RASA3: variants seen among roughly 807,000 people sequenced by gnomAD.
RASA3 encodes the protein RAS p21 protein activator 3.
Under a neutral mutation model 110.0 loss-of-function variants are expected in RASA3, and 73 were observed. The observed-to-expected ratio is 0.66, with a 90% CI of 0.55 to 0.81. The LOEUF is 0.81. Among genes scored for constraint, RASA3 ranks in the 30% least tolerant of loss-of-function variants. RASA3 has a pLI of 0.00. For missense variants in RASA3, 976 were observed against 1,113.2 expected, an observed-to-expected ratio of 0.88 and a Z score of 1.75; for synonymous variants, 500 against 451.4, an observed-to-expected ratio of 1.11 and a Z score of -1.37.
chr13:114,074,133 A>G (rs1361621059), intron 1 of RASA3, among the ~76,000 whole-genome samples: 1 of 152,216 alleles, frequency 6.6e-6, no homozygotes, highest in Non-Finnish European at 1.5e-5. Flanking sequence ...AATTTTTAAC[A>G]TACAATTTTC....
chr13:114,019,043 A>G (rs1290527070), intron 9 of RASA3, 124 bp from the exon 10 acceptor site: 3 of 1,249,360 alleles, frequency 2.4e-6, no homozygotes, highest in African/African-American at 3.0e-5. Context: ...AGGACCCCTC[A>G]GAGTGCAGCC....
At chr13:114,116,346 A>G (rs542750840) in intron 1 of RASA3, among the ~76,000 whole-genome samples, 2 of 152,210 alleles carry the variant, frequency 1.3e-5, no homozygotes, top group South Asian at 2.1e-4. Flanking sequence ...AGAGACCCCC[A>G]TCCCTACCCC....
chr13:114,062,848 A>C (rs879373227), intron 2 of RASA3, among the ~76,000 whole-genome samples: 58 of 152,206 alleles, frequency 3.8e-4, no homozygotes, highest in Non-Finnish European at 7.6e-4. Context: ...GGACGCCTGG[A>C]CCCTGGCCCC....
At chr13:114,072,681 C>T (rs1405533115) in intron 2 of RASA3, among the ~76,000 whole-genome samples, 3 of 152,224 alleles carry the variant, frequency 2.0e-5, no homozygotes, top group African/African-American at 7.2e-5. Context: ...CACCAGTTCA[C>T]ATCCACGCAC....
intron 3 of RASA3, among the ~76,000 whole-genome samples, chr13:114,043,774 G>A (rs1014264167): frequency 6.6e-6 from 1 of 151,770 alleles, no homozygotes; most frequent in Non-Finnish European, 1.5e-5. Flanking sequence ...GGCCTCTAAT[G>A]GCGCAGACCA....
intron 1 of RASA3, among the ~76,000 whole-genome samples, chr13:114,088,127 T>A (rs2079844993): frequency 4.5e-5 from 1 of 22,004 alleles, no homozygotes. Flanking sequence ...TGAGGCCCTG[T>A]CTCAAAAAAA....
chr13:113,990,365 T>C (rs767636878), intron 22 of RASA3, among the ~76,000 whole-genome samples: 2 of 152,196 alleles, frequency 1.3e-5, no homozygotes, highest in African/African-American at 2.4e-5. Context: ...GGAGCTGTGA[T>C]GCGGGGCGCA....
chr13:114,104,714 C>T (rs1346385582), intron 1 of RASA3, among the ~76,000 whole-genome samples: 1 of 152,172 alleles, frequency 6.6e-6, no homozygotes, highest in Non-Finnish European at 1.5e-5. Context: ...CTTTGGTTTT[C>T]CGTTCCTTAT....
chr13:114,132,517 G>T lies in RASA3; in HGVS notation c.-28C>A. 1 of 1,465,930 alleles carries T rather than the reference G, an allele frequency of 6.8e-7. No homozygotes were observed. The highest frequency in any genetic ancestry group is 9.0e-7 in the Non-Finnish European group (1 of 1,110,602). 90.8% of individuals were successfully genotyped at this position (1,465,930 alleles called of 1,614,324 possible). On this transcript the variant is annotated 5_prime_UTR_variant, in exon 1 of 24. Coordinates refer to ENST00000334062, the MANE Select transcript of RASA3 (RefSeq NM_007368.4). ...TGCGCGTCCGCGCCCGCCGAGCCTC[G>T]CCCCAAGCGCGCGCCGAGCCCGGGC...
intron 1 of RASA3, among the ~76,000 whole-genome samples, chr13:114,110,066 C>T (rs1167782045): frequency 6.6e-6 from 1 of 152,260 alleles, no homozygotes; most frequent in East Asian, 1.9e-4. Context: ...ATCACAGAAA[C>T]CTGACCAGTC....
At position 113,979,098 on chromosome 13, in the gene RASA3, C is replaced by T. The variant is rs147970919; in HGVS notation, c.*249G>A. ...CCTTCAGCTGATCCCCAGATCCCCA[C>T]AAACAAGGAGCAAAAAGCACAGAAT... is the stretch of plus-strand genomic sequence containing the variant. On this transcript the variant is annotated 3_prime_UTR_variant, in exon 24 of 24. Transcript: ENST00000334062. 884 of 526,982 alleles carry T rather than the reference C, an allele frequency of 1.7e-3. 5 individuals carry two copies. The highest frequency in any genetic ancestry group is 0.015 in the African/African-American group (804 of 52,488). The allele number at this position is 526,982 out of a possible 1,614,324, so 32.6% of individuals were successfully genotyped here. A position where few individuals can be genotyped will look rare whatever the true frequency, so the allele number is the denominator to read the frequency against.
At position 114,057,308 on chromosome 13, in the gene RASA3, A is replaced by T. The variant is rs1199561489; in HGVS notation, c.174-5153T>A. 1.0e-6 allele frequency: 1 copy of T among 985,288 alleles called. No individual in the cohort carries two copies. The highest frequency in any genetic ancestry group is 1.7e-5 in the African/African-American group (1 of 57,228). The allele number at this position is 985,288 out of a possible 1,614,324, so 61.0% of individuals were successfully genotyped here. On this transcript the variant is annotated intron_variant, in intron 2 of 23. Transcript: ENST00000334062. This position sits in a 1 kb window ranked among gnomAD's most constrained non-coding sequence, Gnocchi z 5.0. Reference sequence around the variant, plus strand: ...CTGCAGGCGGCCGGCCAGCCTTATCAACGGAGCTCTGAGCCACCAACCACT... The same window carrying T: ...CTGCAGGCGGCCGGCCAGCCTTATCTACGGAGCTCTGAGCCACCAACCACT...
rs1316490073 is a variant in RASA3 at position 114,114,279 on chromosome 13, C to G, written c.55+18156G>C. 6.6e-6 allele frequency among the ~76,000 whole-genome samples: 1 copy of G among 152,190 alleles called. No homozygotes were observed. Among genetic ancestry groups the G allele is most frequent in the Non-Finnish European group, 1.5e-5 (1 of 68,040 alleles). On this transcript the variant is annotated intron_variant, in intron 1 of 23. Coordinates refer to ENST00000334062, the MANE Select transcript of RASA3 (RefSeq NM_007368.4). This position sits in a 1 kb window ranked among gnomAD's most constrained non-coding sequence, Gnocchi z 4.8. ...GCAAATTCAGCTGCGGAGTGCAAAACGAATTTCCTCCTGTCACACGCTAAC... is the reference window on the plus strand; with the variant it reads ...GCAAATTCAGCTGCGGAGTGCAAAAGGAATTTCCTCCTGTCACACGCTAAC...
At chr13:114,031,369 CTA>C (rs1224818468) in intron 4 of RASA3, among the ~76,000 whole-genome samples, 5 of 151,318 alleles carry the variant, frequency 3.3e-5, no homozygotes, top group East Asian at 2.0e-4. Context: ...GTGTGTGCGA[CTA>C]TGTGTGCATG....
At chr13:114,007,641 GC>G in intron 17 of RASA3, 35 bp from the exon 18 acceptor site, 1 of 1,549,366 alleles carries the variant, frequency 6.5e-7, no homozygotes, top group Non-Finnish European at 8.9e-7. Flanking sequence ...CCGGGAGGAA[GC>G]CACACATCTG....
chr13:114,077,743 G>A, intron 1 of RASA3: 1 of 915,068 alleles, frequency 1.1e-6, no homozygotes, highest in Non-Finnish European at 1.3e-6. Context: ...ATGATGCCCA[G>A]TCCCCTGGCC....
At chr13:113,980,317 C>T (rs1286612873) in intron 23 of RASA3, among the ~76,000 whole-genome samples, 2 of 144,002 alleles carry the variant, frequency 1.4e-5, no homozygotes, top group African/African-American at 2.7e-5. Context: ...GCACCTCCTC[C>T]GTCTGTGCCT....
intron 1 of RASA3, among the ~76,000 whole-genome samples, chr13:114,097,321 A>C (rs2079959520): frequency 6.6e-6 from 1 of 152,214 alleles, no homozygotes; most frequent in African/African-American, 2.4e-5. Context: ...GAAAAGCCGC[A>C]AGTCTACAAG....
rs1450987580 is a variant in RASA3 at position 114,132,399 on chromosome 13, G to C, written c.55+36C>G. 5 of 1,486,738 alleles carry C rather than the reference G, an allele frequency of 3.4e-6. No individual in the cohort carries two copies. In the South Asian group the frequency reaches 5.1e-5, roughly 15 times the overall value. 92.1% of individuals were successfully genotyped at this position (1,486,738 alleles called of 1,614,324 possible). Reference sequence around the variant, plus strand: ...GCGCGGGAGAGGACAGGGTCGGGCCGGGGGGTCGGACGCGTGGCTGCCGGC... The same window carrying C: ...GCGCGGGAGAGGACAGGGTCGGGCCCGGGGGTCGGACGCGTGGCTGCCGGC... On this transcript the variant is annotated intron_variant, in intron 1 of 23. Transcript: ENST00000334062.
Sources: allele counts gnomAD v4.1 joint callset (sites outside exome capture counted in the v4.1 genomes callset), GRCh38; gene constraint gnomAD v4.1.1; non-coding constraint Gnocchi (gnomAD v3.1); transcripts MANE v1.5; gene names NCBI Gene and HGNC (gene_info 2026-07-23, HGNC 2026-07-21).